Variants in PTPN14 observed in about 807,000 individuals in gnomAD.
PTPN14 encodes protein tyrosine phosphatase non-receptor type 14.
A neutral mutation model predicts 126.8 loss-of-function variants in PTPN14; 53 were observed. The observed-to-expected ratio is 0.42, with a 90% confidence interval of 0.34 to 0.53. The LOEUF is 0.53. Among genes scored for constraint, PTPN14 ranks in the 20% least tolerant of loss-of-function variants. The pLI is 0.08. For synonymous variants in PTPN14, 630 were observed against 599.3 expected (o/e 1.05, Z -0.75); for missense variants, 1,257 against 1,552.9 (o/e 0.81, Z 3.20).
intron 1 of PTPN14, among the ~76,000 whole-genome samples, chr1:214,542,968 T>G (rs750333519): frequency 1.3e-5 from 2 of 152,040 alleles, no homozygotes; most frequent in East Asian, 1.9e-4. Context: ...AGCTTGTGAT[T>G]TGGGGGGGAA....
intron 1 of PTPN14, among the ~76,000 whole-genome samples, chr1:214,490,864 G>GGAGGA (rs1342252692): frequency 1.1e-4 from 2 of 19,000 alleles, no homozygotes; most frequent in African/African-American, 6.0e-4. Flanking sequence ...GGAAGGGAGG[G>GGAGGA]GAGGGGAGGG....
At chr1:214,408,887 G>A (rs529176278) in intron 5 of PTPN14, among the ~76,000 whole-genome samples, 40 of 152,272 alleles carry the variant, frequency 2.6e-4, no homozygotes, top group East Asian at 2.1e-3. Flanking sequence ...AAGAGCCAGC[G>A]TGCCAGAGGG....
At chr1:214,359,651 C>T (rs1293407359) in intron 18 of PTPN14, among the ~76,000 whole-genome samples, 2 of 152,038 alleles carry the variant, frequency 1.3e-5, no homozygotes, top group Non-Finnish European at 2.9e-5. Context: ...TCCTGAGTAG[C>T]TGGAACTACA....
chr1:214,370,860 C>T (rs943164891), intron 16 of PTPN14, among the ~76,000 whole-genome samples: 3 of 152,064 alleles, frequency 2.0e-5, no homozygotes, highest in African/African-American at 7.2e-5. Flanking sequence ...CTCTGGGAAC[C>T]CTGATGGCTG....
At chr1:214,519,690 A>T (rs905676138) in intron 1 of PTPN14, among the ~76,000 whole-genome samples, 28 of 152,126 alleles carry the variant, frequency 1.8e-4, no homozygotes, top group Non-Finnish European at 4.4e-5. Flanking sequence ...CTTTCAAATT[A>T]ATCTGGATTA....
rs771939467 is a variant in PTPN14 at position 214,384,182 on chromosome 1, A to G, written c.1673T>C (p.Met558Thr). ...QGSHNYSTAH[M>T]LKNYLFRPPP... The stretch of plus-strand genomic sequence containing the variant: ...TGGCCTGAAGAGATAGTTCTTAAGC[A>G]TGTGGGCCGTGCTGTAGTTATGGCT... The change falls in exon 13 of 19, where the codon ATG (methionine) becomes ACG (threonine). Residue 558 changes from methionine to threonine, a missense_variant. Physicochemically the swap from Met to Thr is moderately conservative, Grantham distance 81. Around this residue, in one of 3 missense-constraint regions of PTPN14, gnomAD observed 1,021 missense variants for 1,183.3 expected, o/e 0.86. Transcript: ENST00000366956. This position sits in a 1 kb window ranked among gnomAD's most constrained non-coding sequence, Gnocchi z 5.3. The G allele has an allele frequency of 1.2e-6, 2 of 1,604,922 alleles. No homozygotes were observed. Among genetic ancestry groups the G allele is most frequent in the South Asian group, 1.1e-5 (1 of 89,642 alleles).
In PTPN14 at chr1:214,364,410, GA is replaced by G; in HGVS notation, c.3435+101del. 7.0e-7 allele frequency: 1 copy of G among 1,428,446 alleles called. No individual in the cohort carries two copies. Among genetic ancestry groups the G allele is most frequent in the African/African-American group, 1.4e-5 (1 of 70,314 alleles). 88.5% of individuals were successfully genotyped at this position (1,428,446 alleles called of 1,614,324 possible). On this transcript the variant is annotated intron_variant, in intron 18 of 18. Transcript: ENST00000366956. This position sits in a 1 kb window ranked among gnomAD's most constrained non-coding sequence, Gnocchi z 4.1. The stretch of plus-strand genomic sequence containing the variant: ...CTGGAAAACTCTGGTTGGGAGACAG[GA>G]AATTAACCACTGAAAATGCAAGGGT...
At chr1:214,430,100 A>G (rs1659765146) in intron 3 of PTPN14, among the ~76,000 whole-genome samples, 1 of 152,168 alleles carries the variant, frequency 6.6e-6, no homozygotes, top group African/African-American at 2.4e-5. Flanking sequence ...TGCTACGATT[A>G]TTTGCTTCCT....
intron 17 of PTPN14, among the ~76,000 whole-genome samples, chr1:214,366,215 A>T (rs1571952528): frequency 6.6e-6 from 1 of 152,234 alleles, no homozygotes; most frequent in East Asian, 1.9e-4. Flanking sequence ...ATGCCGTGAG[A>T]TGCATAGAGG....
chr1:214,489,640 C>T (rs567433351), intron 1 of PTPN14, among the ~76,000 whole-genome samples: 1 of 152,308 alleles, frequency 6.6e-6, no homozygotes, highest in South Asian at 2.1e-4. Context: ...ACTTGTCCCA[C>T]TGTGCCATGC....
chr1:214,372,873 C>T (rs747601174), intron 15 of PTPN14, 34 bp from the exon 16 acceptor site: 1 of 1,611,470 alleles, frequency 6.2e-7, no homozygotes, highest in South Asian at 1.1e-5. Flanking sequence ...TAAATAAACC[C>T]CAAGTCCGGA....
chr1:214,390,983 C>T lies in PTPN14; in HGVS notation c.987+5G>A. 6.5e-7 allele frequency: 1 copy of T among 1,544,570 alleles called. No individual in the cohort carries two copies. Among genetic ancestry groups the T allele is most frequent in the South Asian group, 1.2e-5 (1 of 82,210 alleles). On this transcript the variant is annotated splice_donor_5th_base_variant and intron_variant, in intron 11 of 18. Coordinates refer to ENST00000366956, the MANE Select transcript of PTPN14 (RefSeq NM_005401.5). ...TCACTTGATCACTGCAGCTTCTATACATACCAGAGAGGATCGGCTCCAGGT... is the reference window on the plus strand; with the variant it reads ...TCACTTGATCACTGCAGCTTCTATATATACCAGAGAGGATCGGCTCCAGGT...
chr1:214,511,286 C>T (rs1449553856), intron 1 of PTPN14, among the ~76,000 whole-genome samples: 2 of 152,088 alleles, frequency 1.3e-5, no homozygotes, highest in Non-Finnish European at 2.9e-5. Context: ...ACAAAAGGTA[C>T]TAATAAAAAA....
chr1:214,398,606 CCTG>C (rs142343635), intron 7 of PTPN14, among the ~76,000 whole-genome samples: 30,705 of 120,736 alleles, frequency 0.25, 3,478 homozygotes, highest in Admixed American at 0.29. Context: ...ACCACCATGC[CCTG>C]CTAATTTTTT....
chr1:214,391,132 A>C, intron 10 of PTPN14, 87 bp from the exon 11 acceptor site: 5 of 906,142 alleles, frequency 5.5e-6, no homozygotes, highest in Non-Finnish European at 7.9e-6. Flanking sequence ...GAAGAGAATA[A>C]ACAAGACTGG....
intron 17 of PTPN14, among the ~76,000 whole-genome samples, chr1:214,366,021 C>T (rs558321345): frequency 3.1e-4 from 47 of 152,116 alleles, no homozygotes; most frequent in African/African-American, 1.1e-3. Flanking sequence ...AAAAATCAGT[C>T]GGATGTGGTG....
intron 11 of PTPN14, among the ~76,000 whole-genome samples, chr1:214,389,553 A>C (rs1010652564): frequency 2.0e-5 from 3 of 152,126 alleles, no homozygotes; most frequent in Admixed American, 6.5e-5. Flanking sequence ...ATTGTAAGAA[A>C]CTCTTGGTGA....
At chr1:214,459,090 G>A (rs1389028262) in intron 2 of PTPN14, among the ~76,000 whole-genome samples, 2 of 151,128 alleles carry the variant, frequency 1.3e-5, no homozygotes, top group Non-Finnish European at 2.9e-5. Flanking sequence ...CTCTTGCCAG[G>A]TTTACAGTTG....
chr1:214,370,277 T>C (rs1450462998), intron 16 of PTPN14, among the ~76,000 whole-genome samples: 1 of 118,674 alleles, frequency 8.4e-6, no homozygotes, highest in African/African-American at 3.0e-5. Flanking sequence ...GGAGATTCCA[T>C]CTCAAAAAAA....
Sources: gnomAD v4.1 joint callset for allele counts (sites outside exome capture counted in the v4.1 genomes callset) on GRCh38, gnomAD v4.1.1 for gene constraint, gnomAD v4.1.1 regional missense constraint, Gnocchi (gnomAD v3.1) non-coding constraint, MANE v1.5 for transcripts, NCBI Gene and HGNC (gene_info 2026-07-23, HGNC 2026-07-21) for gene names.